KDM2B: variants seen among roughly 807,000 people sequenced by gnomAD.
KDM2B encodes the protein lysine demethylase 2B, also known as lysine-specific demethylase 2B.
Under a neutral mutation model 150.0 loss-of-function variants are expected in KDM2B, and 26 were observed. That is an observed-to-expected ratio of 0.17 (90% CI 0.13 to 0.24). KDM2B has a LOEUF of 0.24. Ranked by LOEUF, KDM2B falls within the 10% of genes least tolerant of loss-of-function variation. The probability of loss-of-function intolerance (pLI) is 1.00; values close to 1 mark genes in which losing one functional copy is unlikely to be tolerated. For synonymous variants in KDM2B, 734 were observed against 729.5 expected (o/e 1.01, Z -0.10); for missense variants, 1,265 against 1,816.9 (o/e 0.70, Z 5.52).
chr12:121,466,552 G>T (rs1442171543), intron 12 of KDM2B, among the ~76,000 whole-genome samples: 3 of 151,636 alleles, frequency 2.0e-5, no homozygotes, highest in Non-Finnish European at 4.4e-5. Context: ...GATTCGCCCG[G>T]GTTCCGGGTG....
chr12:121,574,849 T>G (rs1555316642), intron 3 of KDM2B, among the ~76,000 whole-genome samples: 1 of 152,188 alleles, frequency 6.6e-6, no homozygotes, highest in Admixed American at 6.5e-5. Context: ...GGACATCCAC[T>G]GTCCACCCCA....
Position 121,430,783 on chromosome 12 carries a change from C to T in KDM2B, c.3830-314G>A, listed in dbSNP as rs1317375391. On this transcript the variant is annotated intron_variant, in intron 22 of 22. Transcript: ENST00000377071. The surrounding 1 kb of genome is among the most constrained non-coding windows in gnomAD (Gnocchi z 4.4). ...ATGTAAGTAGTTCTATGTGCTTTTA[C>T]AATGATAGGTTCACACACCATGTCA... Among the ~76,000 whole-genome samples the T allele has an allele frequency of 2.6e-5, 4 of 152,186 alleles. No individual in the cohort carries two copies. The highest frequency in any genetic ancestry group is 4.4e-5 in the Non-Finnish European group (3 of 68,044).
chr12:121,525,925 G>A (rs113671036), intron 8 of KDM2B, among the ~76,000 whole-genome samples: 6 of 152,260 alleles, frequency 3.9e-5, no homozygotes, highest in African/African-American at 1.4e-4. Context: ...TGACAAATAA[G>A]GTCCCCATAC....
intron 11 of KDM2B, among the ~76,000 whole-genome samples, chr12:121,495,423 A>C (rs1003419761): frequency 3.9e-5 from 6 of 152,170 alleles, no homozygotes; most frequent in Non-Finnish European, 7.3e-5. Context: ...GGCCTCCCAA[A>C]GTGCTGGGAT....
intron 6 of KDM2B, among the ~76,000 whole-genome samples, chr12:121,536,839 C>T (rs1454561183): frequency 6.6e-6 from 1 of 152,176 alleles, no homozygotes; most frequent in Non-Finnish European, 1.5e-5. Flanking sequence ...AGGACAGGAG[C>T]TCGCCTCTTG....
chr12:121,550,979 A>G (rs1889442554), intron 4 of KDM2B, among the ~76,000 whole-genome samples: 1 of 152,180 alleles, frequency 6.6e-6, no homozygotes, highest in Admixed American at 6.6e-5. Flanking sequence ...CATATTGTAT[A>G]GGGCTGGCTC....
chr12:121,465,586 C>T (rs1030450947), intron 12 of KDM2B, among the ~76,000 whole-genome samples: 2 of 152,146 alleles, frequency 1.3e-5, no homozygotes, highest in African/African-American at 2.4e-5. Flanking sequence ...GACCCGAAAA[C>T]ATGTTTTTAA....
intron 13 of KDM2B, among the ~76,000 whole-genome samples, chr12:121,448,263 T>C (rs1593776775): frequency 1.6e-5 from 2 of 127,454 alleles, no homozygotes; most frequent in East Asian, 4.7e-4. Flanking sequence ...GAGGCTGCAG[T>C]GAGCCACGAG....
intron 8 of KDM2B, among the ~76,000 whole-genome samples, chr12:121,530,997 G>C (rs986016613): frequency 1.3e-5 from 2 of 152,146 alleles, no homozygotes; most frequent in African/African-American, 4.8e-5. Context: ...TAACGTCACA[G>C]AGTCAGCAGC....
intron 4 of KDM2B, 31 bp downstream of exon 4, chr12:121,574,516 G>A (rs1476391730): frequency 1.9e-6 from 3 of 1,610,722 alleles, no homozygotes; most frequent in Non-Finnish European, 2.5e-6. Flanking sequence ...ACTTCAGCAT[G>A]TCTGAGCCAC....
At chr12:121,505,949 A>G (rs1426263999) in intron 11 of KDM2B, among the ~76,000 whole-genome samples, 10 of 152,108 alleles carry the variant, frequency 6.6e-5, no homozygotes, top group African/African-American at 2.4e-4. Context: ...CAGGCTGCCC[A>G]CCCTCTGTGG....
At chr12:121,534,963 T>C (rs1399926529) in intron 6 of KDM2B, among the ~76,000 whole-genome samples, 1 of 152,052 alleles carries the variant, frequency 6.6e-6, no homozygotes, top group African/African-American at 2.4e-5. Context: ...CCTTCACAGC[T>C]TGGATACCTG....
At position 121,445,327 on chromosome 12, in the gene KDM2B, A is replaced by G; in HGVS notation, c.2051T>C (p.Met684Thr). ...VEEEEGKFNL[M>T]LMECSICNEI... is the part of the protein sequence containing the mutation. ...ATTGCAGATGGAGCACTCCATGAGC[A>G]TGAGGTTAAACTTGCCTTCCTCCTC... Residue 684 changes from methionine to threonine, a missense_variant, in exon 14 of 23, where the codon ATG becomes ACG. By Grantham distance (81) the Met-to-Thr change is moderately conservative. Transcript: ENST00000377071. 2 of 1,613,984 alleles carry G rather than the reference A, an allele frequency of 1.2e-6. No homozygotes were observed. The highest frequency in any genetic ancestry group is 1.7e-6 in the Non-Finnish European group (2 of 1,179,912).
At chr12:121,450,457 G>C (rs192111964) in intron 13 of KDM2B, among the ~76,000 whole-genome samples, 29 of 152,318 alleles carry the variant, frequency 1.9e-4, no homozygotes, top group Admixed American at 1.7e-3. Context: ...AAGAATTAGG[G>C]AAAAGTAAAT....
the KDM2B span, among the ~76,000 whole-genome samples, chr12:121,423,176 C>T: frequency 6.6e-6 from 1 of 152,208 alleles, no homozygotes; most frequent in Non-Finnish European, 1.5e-5. The surrounding 1 kb of genome is among the most constrained non-coding windows in gnomAD (Gnocchi z 4.3). Context: ...TTATTCTTTA[C>T]AAAACCCTGA....
At chr12:121,476,589 G>T (rs756245708) in intron 12 of KDM2B, among the ~76,000 whole-genome samples, 1 of 152,032 alleles carries the variant, frequency 6.6e-6, no homozygotes, top group African/African-American at 2.4e-5. Context: ...CCTAAACCCC[G>T]GGATGTGTTA....
At chr12:121,448,319 C>CAA (rs57261158) in intron 13 of KDM2B, among the ~76,000 whole-genome samples, 576 of 51,060 alleles carry the variant, frequency 0.011, 21 homozygotes, top group African/African-American at 0.025. Flanking sequence ...GACTCTGTCT[C>CAA]AAAAAAAAAA....
chr12:121,551,925 A>G (rs1555311879), intron 4 of KDM2B, among the ~76,000 whole-genome samples: 1 of 152,206 alleles, frequency 6.6e-6, no homozygotes, highest in African/African-American at 2.4e-5. Context: ...AAAAGAAAGT[A>G]ACACCTTAAG....
At chr12:121,512,519 G>A (rs1885678973) in intron 10 of KDM2B, among the ~76,000 whole-genome samples, 1 of 151,530 alleles carries the variant, frequency 6.6e-6, no homozygotes, top group African/African-American at 2.4e-5. Context: ...CTATCCCCTG[G>A]TTAAAAAAAA....
Sources: gnomAD v4.1 joint callset for allele counts (sites outside exome capture counted in the v4.1 genomes callset) on GRCh38, gnomAD v4.1.1 for gene constraint, Gnocchi (gnomAD v3.1) non-coding constraint, MANE v1.5 for transcripts, NCBI Gene and HGNC (gene_info 2026-07-23, HGNC 2026-07-21) for gene names.